The following PALM2AKAP2 variants were observed in gnomAD, a reference collection of about 807,000 sequenced individuals.
PALM2AKAP2 encodes the protein PALM2 and AKAP2 fusion, also known as PALM2-AKAP2 fusion protein.
In PALM2AKAP2, 37 loss-of-function variants were observed where a neutral mutation model predicts 71.5. The observed-to-expected ratio is 0.52, with a 90% CI of 0.40 to 0.68. The LOEUF (loss-of-function observed/expected upper bound fraction) is 0.68, where lower values mean the gene tolerates loss of function less well. PALM2AKAP2 is among the 30% of genes least tolerant of loss of function. PALM2AKAP2 has a pLI of 0.00. For missense variants in PALM2AKAP2, 1,224 were observed against 1,191.8 expected (o/e 1.03, Z -0.40); for synonymous variants, 468 against 478.8 (o/e 0.98, Z 0.29).
chr9:109,920,766 TGTG>T lies in PALM2AKAP2; in HGVS notation c.258-2964_258-2962del, dbSNP rs556966751. On this transcript the variant is annotated intron_variant, in intron 3 of 9. Transcript: ENST00000302798. ...TTAAATCAAATCTGCTCAGGCCAGG[TGTG>T]GTGGCTCATGCCTGTAATCACACCT... Among the ~76,000 whole-genome samples the T allele has an allele frequency of 2.9e-4, 44 of 152,040 alleles. No individual in the cohort carries two copies. The East Asian group carries it at 3.9e-3, about 13-fold the overall frequency.
intron 6 of PALM2AKAP2, among the ~76,000 whole-genome samples, chr9:109,996,080 T>G (rs1276726711): frequency 1.3e-5 from 2 of 152,200 alleles, no homozygotes; most frequent in Non-Finnish European, 2.9e-5. Context: ...TCTAAATATG[T>G]CCCTGTCACC....
chr9:109,744,453 G>C (rs551212071), intron 1 of PALM2AKAP2, among the ~76,000 whole-genome samples: 1 of 152,106 alleles, frequency 6.6e-6, no homozygotes, highest in South Asian at 2.1e-4. Context: ...CTAGCTGCAT[G>C]GCGTGGGCAA....
intron 3 of PALM2AKAP2, among the ~76,000 whole-genome samples, chr9:109,912,162 G>T (rs1393720512): frequency 1.3e-5 from 2 of 152,104 alleles, no homozygotes; most frequent in African/African-American, 2.4e-5. Flanking sequence ...GAACATGGAG[G>T]GTGTGAACTT....
At chr9:109,983,864 T>TAAA (rs75307914) in intron 6 of PALM2AKAP2, among the ~76,000 whole-genome samples, 1 of 139,794 alleles carries the variant, frequency 7.2e-6, no homozygotes, top group Non-Finnish European at 1.6e-5. Flanking sequence ...GACCCTGACT[T>TAAA]AAAAAAAAAA....
intron 1 of PALM2AKAP2, among the ~76,000 whole-genome samples, chr9:109,761,268 A>G (rs968083571): frequency 1.3e-5 from 2 of 152,250 alleles, no homozygotes; most frequent in African/African-American, 4.8e-5. Context: ...CCTAAAACCA[A>G]CCTGAATGTT....
At chr9:109,868,357 T>C (rs1446167323) in intron 2 of PALM2AKAP2, among the ~76,000 whole-genome samples, 1 of 152,160 alleles carries the variant, frequency 6.6e-6, no homozygotes, top group African/African-American at 2.4e-5. Flanking sequence ...GTGACCACAT[T>C]CCAATGGCCA....
chr9:110,168,362 C>A (rs1426097925), intron 3 of PALM2AKAP2, 37 bp from the exon 11 acceptor site: 4 of 1,601,970 alleles, frequency 2.5e-6, no homozygotes, highest in Non-Finnish European at 2.6e-6. Flanking sequence ...AATTAACATC[C>A]ATGAACTCTG....
intron 6 of PALM2AKAP2, among the ~76,000 whole-genome samples, chr9:110,011,279 C>A (rs143118403): frequency 9.4e-5 from 14 of 149,708 alleles, no homozygotes; most frequent in African/African-American, 3.2e-4. Flanking sequence ...AGGTCAGATT[C>A]TTTATATAGG....
At chr9:109,858,331 A>G (rs949794231) in intron 1 of PALM2AKAP2, among the ~76,000 whole-genome samples, 6 of 148,084 alleles carry the variant, frequency 4.1e-5, no homozygotes, top group Admixed American at 4.0e-4. Context: ...CCACTATGTA[A>G]ATGTTTGCTA....
At chr9:110,170,067 C>G (rs1194001259) in exon 4 of PALM2AKAP2, 1 of 152,546 alleles carries the variant, frequency 6.6e-6, no homozygotes, top group Non-Finnish European at 1.5e-5. Flanking sequence ...TATTTATTCT[C>G]ATACTTTACA....
chr9:110,162,796 G>A (rs775840721), intron 3 of PALM2AKAP2, among the ~76,000 whole-genome samples: 1 of 152,168 alleles, frequency 6.6e-6, no homozygotes, highest in Non-Finnish European at 1.5e-5. Context: ...TTAACCTCCT[G>A]GGCTCAAGCG....
intron 1 of PALM2AKAP2, among the ~76,000 whole-genome samples, chr9:109,859,196 C>A (rs1039549851): frequency 7.2e-5 from 11 of 152,094 alleles, no homozygotes; most frequent in Non-Finnish European, 1.5e-4. Flanking sequence ...TTTAAAAATT[C>A]TCTTGACCAT....
intron 7 of PALM2AKAP2, among the ~76,000 whole-genome samples, chr9:110,023,972 A>G (rs993828948): frequency 3.9e-5 from 6 of 152,148 alleles, no homozygotes; most frequent in Admixed American, 6.5e-5. Context: ...AATAAAAATA[A>G]AAATAACCAT....
intron 1 of PALM2AKAP2, among the ~76,000 whole-genome samples, chr9:110,087,550 T>C (rs1188859949): frequency 6.6e-6 from 1 of 152,310 alleles, no homozygotes; most frequent in Middle Eastern, 3.4e-3. Flanking sequence ...CTTCAGTTCC[T>C]TGTCATTTGA....
At chr9:109,835,508 A>G (rs1411200617) in intron 1 of PALM2AKAP2, among the ~76,000 whole-genome samples, 1 of 152,072 alleles carries the variant, frequency 6.6e-6, no homozygotes, top group African/African-American at 2.4e-5. Context: ...GGTTCATCTC[A>G]TTGGGGCTTG....
intron 6 of PALM2AKAP2, 131 bp downstream of exon 6, chr9:109,932,159 G>A: frequency 2.0e-6 from 2 of 1,017,390 alleles, no homozygotes; most frequent in Non-Finnish European, 2.7e-6. Flanking sequence ...CTCAGATGCA[G>A]CCTTCACAGT....
chr9:109,674,717 T>C (rs1298326638), intron 1 of PALM2AKAP2, among the ~76,000 whole-genome samples: 1 of 152,100 alleles, frequency 6.6e-6, no homozygotes, highest in Non-Finnish European at 1.5e-5. Flanking sequence ...TTCTATTCCA[T>C]TTAGGCCCTA....
At position 110,010,457 on chromosome 9, in the gene PALM2AKAP2, TATA is replaced by T. The variant is rs1832860295; in HGVS notation, c.497-5493_497-5491del. 2.0e-5 allele frequency among the ~76,000 whole-genome samples: 3 copies of T among 148,168 alleles called. No homozygotes were observed. The South Asian group carries it at 6.3e-4, about 31-fold the overall frequency. On this transcript the variant is annotated intron_variant, in intron 6 of 9. Transcript: ENST00000302798. Reference sequence around the variant, plus strand: ...ATACAATTAATATACATACTATATATATAATATGTATTATACATACTATATATG... The same window carrying T: ...ATACAATTAATATACATACTATATATATATGTATTATACATACTATATATG...
At chr9:109,745,175 G>T in intron 1 of PALM2AKAP2, among the ~76,000 whole-genome samples, 1 of 152,040 alleles carries the variant, frequency 6.6e-6, no homozygotes, top group East Asian at 1.9e-4. Context: ...CCAGCGATAG[G>T]TATGGACTCC....
Sources: gnomAD v4.1 joint callset for allele counts (sites outside exome capture counted in the v4.1 genomes callset) on GRCh38, gnomAD v4.1.1 for gene constraint, MANE v1.5 for transcripts, NCBI Gene and HGNC (gene_info 2026-07-23, HGNC 2026-07-21) for gene names.